WWOX: variants seen among roughly 807,000 people sequenced by gnomAD.
WWOX encodes the protein WW domain-containing oxidoreductase.
Under a neutral mutation model 46.2 loss-of-function variants are expected in WWOX, and 69 were observed. That is an observed-to-expected ratio of 1.49 (90% CI 1.23 to 1.82). The LOEUF (loss-of-function observed/expected upper bound fraction) is 1.82, where lower values mean the gene tolerates loss of function less well. Ranked by LOEUF, WWOX falls within the 40% of genes most tolerant of loss-of-function variation. WWOX has a pLI of 0.00. For missense variants in WWOX, 919 were observed against 542.6 expected, an observed-to-expected ratio of 1.69 and a Z score of -6.89; for synonymous variants, 359 against 202.6, an observed-to-expected ratio of 1.77 and a Z score of -6.56.
At chr16:78,698,370 G>A (rs1486752042) in intron 8 of WWOX, among the ~76,000 whole-genome samples, 1 of 152,202 alleles carries the variant, frequency 6.6e-6, no homozygotes, top group Non-Finnish European at 1.5e-5. Flanking sequence ...CAGCCTTTGT[G>A]AGCACAGAGG....
chr16:78,922,631 G>A (rs1432439304), intron 8 of WWOX, among the ~76,000 whole-genome samples: 2 of 152,122 alleles, frequency 1.3e-5, no homozygotes, highest in African/African-American at 4.8e-5. Context: ...CCCTCACCTT[G>A]GCCTCCCAAA....
intron 8 of WWOX, among the ~76,000 whole-genome samples, chr16:78,507,576 T>G (rs1279907451): frequency 6.6e-6 from 1 of 152,176 alleles, no homozygotes; most frequent in African/African-American, 2.4e-5. Context: ...TATCCTTGAG[T>G]AAGCAGGCAT....
chr16:79,181,165 C>G (rs936260843), intron 8 of WWOX, among the ~76,000 whole-genome samples: 1 of 152,150 alleles, frequency 6.6e-6, no homozygotes, highest in Non-Finnish European at 1.5e-5. Context: ...TATACATGCA[C>G]TATAGGAGTG....
intron 8 of WWOX, among the ~76,000 whole-genome samples, chr16:78,456,128 G>C (rs1018132804): frequency 5.9e-5 from 9 of 152,320 alleles, no homozygotes; most frequent in Admixed American, 5.9e-4. Flanking sequence ...GGACTGAAGT[G>C]CCCAAGCTCT....
chr16:79,091,880 A>C (rs1205747986), intron 8 of WWOX, among the ~76,000 whole-genome samples: 1 of 145,686 alleles, frequency 6.9e-6, no homozygotes, highest in Non-Finnish European at 1.5e-5. Flanking sequence ...TCCTGGGTTC[A>C]AGTGATTCTC....
chr16:78,376,338 T>C (rs564671886), intron 5 of WWOX, among the ~76,000 whole-genome samples: 3 of 152,312 alleles, frequency 2.0e-5, no homozygotes, highest in African/African-American at 7.2e-5. Context: ...ACTACAATAC[T>C]ATGTTTTTAG....
intron 8 of WWOX, among the ~76,000 whole-genome samples, chr16:78,682,419 A>C (rs1373057792): frequency 2.6e-5 from 4 of 152,104 alleles, no homozygotes; most frequent in Non-Finnish European, 5.9e-5. Context: ...TCTTCAATGA[A>C]TTATTTTTCC....
chr16:78,164,195 C>A lies in WWOX; in HGVS notation c.422C>A (p.Ala141Asp). 2 of 1,614,032 alleles carry A rather than the reference C, an allele frequency of 1.2e-6. No homozygotes were observed. The highest frequency in any genetic ancestry group is 1.7e-6 in the Non-Finnish European group (2 of 1,180,016). The change falls in exon 5 of 9, where the codon GCC (alanine) becomes GAC (aspartate). Residue 141 changes from alanine to aspartate, a missense_variant. Physicochemically the swap from Ala to Asp is moderately radical, Grantham distance 126 (BLOSUM62 -2). Transcript: ENST00000566780. Reference sequence around the variant, plus strand: ...CTTTAAACCATAGGGTTCGAAACCGCCAAGTCTTTTGCCCTCCATGGTGCA... The same window carrying A: ...CTTTAAACCATAGGGTTCGAAACCGACAAGTCTTTTGCCCTCCATGGTGCA... ...GANSGIGFETAKSFALHGAHV... is the reference protein window; with the variant it reads ...GANSGIGFETDKSFALHGAHV...
chr16:78,514,146 C>T (rs945406846), intron 8 of WWOX, among the ~76,000 whole-genome samples: 3 of 152,104 alleles, frequency 2.0e-5, no homozygotes, highest in Non-Finnish European at 4.4e-5. Flanking sequence ...AGGCTTCAGA[C>T]GTCAGAAAAA....
chr16:78,617,085 C>T (rs983457689), intron 8 of WWOX, among the ~76,000 whole-genome samples: 8 of 152,124 alleles, frequency 5.3e-5, no homozygotes, highest in African/African-American at 1.7e-4. Context: ...ACATTCTGTT[C>T]AACCCTCCAC....
intron 8 of WWOX, among the ~76,000 whole-genome samples, chr16:79,063,331 A>G (rs538722469): frequency 1.3e-5 from 2 of 152,300 alleles, no homozygotes; most frequent in South Asian, 4.1e-4. Flanking sequence ...TTGTTCCGAA[A>G]TCGGAATATT....
In WWOX at chr16:78,634,663, G is replaced by A. The variant is rs551553204; in HGVS notation, c.1056+201911G>A. Among the ~76,000 whole-genome samples the A allele has an allele frequency of 2.7e-4, 40 of 149,770 alleles. No homozygotes were observed. The East Asian group carries it at 4.1e-3, about 15-fold the overall frequency. ...GGAGGTTGCAGTGAGCCAAGATTGC[G>A]CCACTGCACTCCAGCCTGGGTGACA... On this transcript the variant is annotated intron_variant, in intron 8 of 8. Coordinates refer to ENST00000566780, the MANE Select transcript of WWOX (RefSeq NM_016373.4).
chr16:78,823,665 C>G (rs1344311862), intron 8 of WWOX, among the ~76,000 whole-genome samples: 4 of 152,136 alleles, frequency 2.6e-5, no homozygotes, highest in Admixed American at 6.6e-5. Flanking sequence ...ATACACGTAT[C>G]TGTGCAAATG....
intron 8 of WWOX, among the ~76,000 whole-genome samples, chr16:78,765,005 G>T (rs1268926686): frequency 6.6e-6 from 1 of 152,196 alleles, no homozygotes; most frequent in Non-Finnish European, 1.5e-5. Context: ...GAGGGATGCA[G>T]GAAGGAACAG....
At chr16:78,201,889 C>T (rs1484734207) in intron 5 of WWOX, among the ~76,000 whole-genome samples, 6 of 151,720 alleles carry the variant, frequency 4.0e-5, no homozygotes, top group Admixed American at 6.6e-5. Context: ...TTAGTAGAGA[C>T]GGGATTTTGC....
intron 8 of WWOX, among the ~76,000 whole-genome samples, chr16:78,929,509 C>T (rs533075751): frequency 2.6e-5 from 4 of 152,106 alleles, no homozygotes; most frequent in African/African-American, 4.8e-5. Context: ...AATACTGGCA[C>T]CGTATCCGAG....
chr16:78,649,475 C>G (rs2046917389), intron 8 of WWOX, among the ~76,000 whole-genome samples: 1 of 152,058 alleles, frequency 6.6e-6, no homozygotes, highest in Non-Finnish European at 1.5e-5. Context: ...TGGGGTATTA[C>G]TCTGTTGCCC....
chr16:78,429,460 C>A (rs1263459097), intron 7 of WWOX, among the ~76,000 whole-genome samples: 1 of 152,144 alleles, frequency 6.6e-6, no homozygotes, highest in African/African-American at 2.4e-5. Flanking sequence ...TGGAGAGCTT[C>A]CTGGAAGAAG....
intron 8 of WWOX, among the ~76,000 whole-genome samples, chr16:78,486,843 A>G (rs2084650299): frequency 6.6e-6 from 1 of 152,186 alleles, no homozygotes; most frequent in Non-Finnish European, 1.5e-5. Context: ...AAGTGCTGGG[A>G]TTACAGGCAT....
Sources: gnomAD v4.1 joint callset for allele counts (sites outside exome capture counted in the v4.1 genomes callset) on GRCh38, gnomAD v4.1.1 for gene constraint, MANE v1.5 for transcripts, NCBI Gene and HGNC (gene_info 2026-07-23, HGNC 2026-07-21) for gene names.